The following TERB2 variants were observed in gnomAD, a reference collection of about 807,000 sequenced individuals.
The protein encoded by TERB2 is telomere repeats-binding bouquet formation protein 2.
In TERB2, 26 loss-of-function variants were observed where a neutral mutation model predicts 29.8. The observed-to-expected ratio is 0.87, with a 90% CI of 0.64 to 1.21. The LOEUF (loss-of-function observed/expected upper bound fraction) is 1.21. Ranked by LOEUF, TERB2 falls within the 50% of genes most tolerant of loss-of-function variation. The pLI, the probability that TERB2 is intolerant of heterozygous loss-of-function variation, is 0.00. For synonymous variants in TERB2, 80 were observed against 90.8 expected, an observed-to-expected ratio of 0.88 and a Z score of 0.68; for missense variants, 240 against 268.6, an observed-to-expected ratio of 0.89 and a Z score of 0.74.
chr15:44,968,318 C>A (rs1203574542), intron 5 of TERB2, among the ~76,000 whole-genome samples: 3 of 152,060 alleles, frequency 2.0e-5, no homozygotes. Flanking sequence ...TGGGTTCAAG[C>A]AATTCTTGTG....
chr15:44,962,337 A>G (rs1362440641), intron 4 of TERB2, among the ~76,000 whole-genome samples: 2 of 151,008 alleles, frequency 1.3e-5, no homozygotes, highest in African/African-American at 4.9e-5. Context: ...GCCAGCCACC[A>G]AGCCCAGCTA....
At chr15:44,972,025 T>C (rs936326337) in intron 5 of TERB2, among the ~76,000 whole-genome samples, 4 of 148,918 alleles carry the variant, frequency 2.7e-5, no homozygotes, top group Non-Finnish European at 5.9e-5. Flanking sequence ...GTTTCGTTCT[T>C]GTTGCCCAGG....
intron 6 of TERB2, among the ~76,000 whole-genome samples, chr15:44,977,551 GTAA>G (rs1892063405): frequency 6.6e-6 from 1 of 152,044 alleles, no homozygotes; most frequent in Non-Finnish European, 1.5e-5. Context: ...ATAGAGTATA[GTAA>G]TAGTGCTTCA....
chr15:44,978,762 C>T lies in TERB2; in HGVS notation c.*134C>T, dbSNP rs1892082224. ...AATTTTTCTGTTTCTCAAAGTATAT[C>T]TTTAGGAAATACAGAATCATTTTGG... On this transcript the variant is annotated 3_prime_UTR_variant, in exon 7 of 7. Coordinates refer to ENST00000340827, the MANE Select transcript of TERB2 (RefSeq NM_152448.3). 8.6e-7 allele frequency: 1 copy of T among 1,164,214 alleles called. No individual in the cohort carries two copies. Among genetic ancestry groups the T allele is most frequent in the South Asian group, 3.1e-5 (1 of 32,508 alleles). 72.1% of individuals were successfully genotyped at this position (1,164,214 alleles called of 1,614,324 possible). A position where few individuals can be genotyped will look rare whatever the true frequency, so the allele number is the denominator to read the frequency against.
chr15:44,958,547 C>G, intron 3 of TERB2, 35 bp downstream of exon 3: 1 of 1,555,634 alleles, frequency 6.4e-7, no homozygotes, highest in Non-Finnish European at 8.7e-7. Context: ...CCCTGTCAGA[C>G]AGCCAAATCC....
chr15:44,968,863 T>C (rs994432399), intron 5 of TERB2, among the ~76,000 whole-genome samples: 2 of 152,160 alleles, frequency 1.3e-5, no homozygotes, highest in African/African-American at 4.8e-5. Flanking sequence ...AATTATCGGA[T>C]GTGGAAATTA....
In TERB2 at chr15:44,956,922, C is replaced by T; in HGVS notation, c.91C>T (p.Pro31Ser). ...WVAEGGTISD[P>S]RAADFLFSCD... ...GGCTGAAGGGGGAACGATCAGTGAC[C>T]CGCGAGCCGCCGACTTCTTGTTCAG... The change falls in exon 2 of 7, where the codon CCG becomes TCG. Residue 31 changes from proline (P) to serine (S), a missense_variant. By Grantham distance (74) the Pro-to-Ser change is moderately conservative. Transcript: ENST00000340827. 1.9e-6 allele frequency: 3 copies of T among 1,613,948 alleles called. No homozygotes were observed. Among genetic ancestry groups the T allele is most frequent in the Non-Finnish European group, 2.5e-6 (3 of 1,179,980 alleles).
intron 6 of TERB2, among the ~76,000 whole-genome samples, chr15:44,977,707 G>A (rs1892066108): frequency 6.6e-6 from 1 of 152,114 alleles, no homozygotes; most frequent in South Asian, 2.1e-4. Context: ...TGGATATCCT[G>A]TTGATCTTGA....
At position 44,962,061 on chromosome 15, in the gene TERB2, T is replaced by C. The variant is rs1443480767; in HGVS notation, c.348+477T>C. Among the ~76,000 whole-genome samples, 3 of 152,278 alleles carry C rather than the reference T, an allele frequency of 2.0e-5. No homozygotes were observed. The East Asian group carries it at 5.8e-4, about 29-fold the overall frequency. On this transcript the variant is annotated intron_variant, in intron 4 of 6. Transcript: ENST00000340827. ...TATTACTTGGTTCGACATTGTTTTA[T>C]AGTAGTGCATTAGTAAAATTGAGGT...
chr15:44,978,472 T>G lies in TERB2; in HGVS notation c.524-17T>G. On this transcript the variant is annotated splice_polypyrimidine_tract_variant and intron_variant, in intron 6 of 6. Coordinates refer to ENST00000340827, the MANE Select transcript of TERB2 (RefSeq NM_152448.3). ...CGGGTTTTAAGTATATATCTTTTTT[T>G]AAATTTTATTTTGTAGGTTATATAT... 6.4e-7 allele frequency: 1 copy of G among 1,568,380 alleles called. No individual in the cohort carries two copies. Among genetic ancestry groups the G allele is most frequent in the South Asian group, 1.2e-5 (1 of 80,536 alleles).
intron 5 of TERB2, among the ~76,000 whole-genome samples, chr15:44,967,025 G>A (rs1891902011): frequency 6.6e-6 from 1 of 152,210 alleles, no homozygotes; most frequent in Non-Finnish European, 1.5e-5. Flanking sequence ...CTTGAGCCCA[G>A]GAGGTTGAGA....
intron 5 of TERB2, among the ~76,000 whole-genome samples, chr15:44,966,661 C>T (rs907738492): frequency 3.9e-5 from 6 of 152,108 alleles, no homozygotes; most frequent in African/African-American, 7.2e-5. Context: ...CCCATCATCA[C>T]ACTTATGAAC....
chr15:44,974,331 C>T (rs1185583918), intron 6 of TERB2, among the ~76,000 whole-genome samples: 2 of 152,124 alleles, frequency 1.3e-5, no homozygotes, highest in Non-Finnish European at 2.9e-5. Flanking sequence ...ACATAGGCCC[C>T]TTTCCTTAGC....
rs369739344 is a variant in TERB2, at chr15:44,971,583, G to A, written c.435-2284G>A. 3.4e-4 allele frequency among the ~76,000 whole-genome samples: 52 copies of A among 152,096 alleles called. 1 individual carries two copies. The highest frequency in any genetic ancestry group is 1.2e-3 in the African/African-American group (48 of 41,492). Reference sequence around the variant, plus strand: ...ATCCTGGCAAACACAGTTAAACCCCGTGTCTACTAAAAATACAAAAAATTA... The same window carrying A: ...ATCCTGGCAAACACAGTTAAACCCCATGTCTACTAAAAATACAAAAAATTA... On this transcript the variant is annotated intron_variant, in intron 5 of 6. Coordinates refer to ENST00000340827, the MANE Select transcript of TERB2 (RefSeq NM_152448.3).
intron 6 of TERB2, among the ~76,000 whole-genome samples, chr15:44,976,590 G>C (rs1468857916): frequency 6.6e-6 from 1 of 152,150 alleles, no homozygotes; most frequent in African/African-American, 2.4e-5. Flanking sequence ...TATGCCATTG[G>C]TTATACAGAT....
At chr15:44,968,639 G>T (rs1428184308) in intron 5 of TERB2, among the ~76,000 whole-genome samples, 1 of 142,184 alleles carries the variant, frequency 7.0e-6, no homozygotes, top group Non-Finnish European at 1.5e-5. Flanking sequence ...TGACCCCCAG[G>T]GGTGGAGTGC....
chr15:44,963,849 C>T (rs1372242419), intron 4 of TERB2, among the ~76,000 whole-genome samples: 1 of 121,076 alleles, frequency 8.3e-6, no homozygotes, highest in Admixed American at 1.1e-4. Context: ...CTCGTTCTGT[C>T]GCCAGGGTGG....
chr15:44,966,293 T>A, intron 5 of TERB2, 50 bp downstream of exon 5: 1 of 1,178,464 alleles, frequency 8.5e-7, no homozygotes, highest in Non-Finnish European at 1.2e-6. Context: ...TAGAAATCTG[T>A]GAGCACTGAT....
At chr15:44,975,803 T>G (rs1892038528) in intron 6 of TERB2, among the ~76,000 whole-genome samples, 1 of 152,218 alleles carries the variant, frequency 6.6e-6, no homozygotes, top group African/African-American at 2.4e-5. Context: ...TTTCAGCTTT[T>G]GACTGGAATT....
Sources: gnomAD v4.1 joint callset for allele counts (sites outside exome capture counted in the v4.1 genomes callset) on GRCh38, gnomAD v4.1.1 for gene constraint, MANE v1.5 for transcripts, NCBI Gene and HGNC (gene_info 2026-07-23, HGNC 2026-07-21) for gene names.